The following FAT2 variants were observed in gnomAD, a reference collection of about 807,000 sequenced individuals.
FAT2 encodes FAT atypical cadherin 2, also known as protocadherin Fat 2.
A neutral mutation model predicts 295.3 loss-of-function variants in FAT2; 150 were observed. That is an observed-to-expected ratio of 0.51 (90% CI 0.44 to 0.58). The LOEUF is 0.58. Ranked by LOEUF, FAT2 falls within the 20% of genes least tolerant of loss-of-function variation. The probability of loss-of-function intolerance (pLI) is 0.00; values close to 1 mark genes in which losing one functional copy is unlikely to be tolerated. For synonymous variants in FAT2, 2,026 were observed against 2,150.3 expected, an observed-to-expected ratio of 0.94 and a Z score of 1.60; for missense variants, 4,868 against 5,442.7, an observed-to-expected ratio of 0.89 and a Z score of 3.32.
intron 22 of FAT2, among the ~76,000 whole-genome samples, chr5:151,509,023 T>G (rs368533576): frequency 6.6e-6 from 1 of 152,180 alleles, no homozygotes; most frequent in Non-Finnish European, 1.5e-5. Flanking sequence ...TCAAAGTCTC[T>G]TTCTCTCTAG....
At chr5:151,558,519 G>A (rs1302030908) in intron 3 of FAT2, among the ~76,000 whole-genome samples, 1 of 151,962 alleles carries the variant, frequency 6.6e-6, no homozygotes, top group African/African-American at 2.4e-5. Context: ...CTAGGAGACA[G>A]GAGAATTGCT....
chr5:151,535,195 T>C lies in FAT2; in HGVS notation c.9194-553A>G, dbSNP rs111575921. Among the ~76,000 whole-genome samples, 14 of 152,088 alleles carry C rather than the reference T, an allele frequency of 9.2e-5. 2 individuals are homozygous for C. Among genetic ancestry groups the C allele is most frequent in the African/African-American group, 3.4e-4 (14 of 41,518 alleles). On this transcript the variant is annotated intron_variant, in intron 12 of 23. Transcript: ENST00000261800. Reference sequence around the variant, plus strand: ...ATAAGTGTATCTTGGTTTTCATGCATGGCTCCTGCCCGTAACTCCCACAGC... The same window carrying C: ...ATAAGTGTATCTTGGTTTTCATGCACGGCTCCTGCCCGTAACTCCCACAGC...
upstream of FAT2, among the ~76,000 whole-genome samples, chr5:151,591,955 T>G (rs1759427492): frequency 6.6e-6 from 1 of 152,212 alleles, no homozygotes; most frequent in Non-Finnish European, 1.5e-5. Flanking sequence ...AGCTGTGACT[T>G]CCCCACACCT....
chr5:151,505,741 C>T lies in FAT2; in HGVS notation c.12874G>A (p.Asp4292Asn). 1 of 1,613,824 alleles carries T rather than the reference C, an allele frequency of 6.2e-7. No homozygotes were observed. The highest frequency in any genetic ancestry group is 8.5e-7 in the Non-Finnish European group (1 of 1,179,754). Residue 4292 changes from aspartate to asparagine, a missense_variant, in exon 24 of 24, where the codon GAC becomes AAC. Asp to Asn is a conservative substitution (Grantham distance 23, BLOSUM62 1). Around this residue, in one of 5 missense-constraint regions of FAT2, gnomAD observed 492 missense variants for 482.6 expected, o/e 1.02. Transcript: ENST00000261800. ...ATACCCACCCCCTTGTAGCCCCCGTCTGCCAGGCAGGGCCCTCCCCCTCCC... is the reference window on the plus strand; with the variant it reads ...ATACCCACCCCCTTGTAGCCCCCGTTTGCCAGGCAGGGCCCTCCCCCTCCC... ...RQGGGGPCLADGGYKGVGMRL... is the reference protein window; with the variant it reads ...RQGGGGPCLANGGYKGVGMRL...
rs763864275 is a variant in FAT2, at chr5:151,545,371, T to C, written c.5756A>G (p.His1919Arg). The C allele has an allele frequency of 1.2e-6, 2 of 1,614,168 alleles. No homozygotes were observed. The highest frequency in any genetic ancestry group is 1.1e-5 in the South Asian group (1 of 91,084). ...CACAGATATGCTACCAGTGACAGGA[T>C]GGATGGTAACAGCTTCATCAGCATT... ...TGNADEAVTI[H>R]PVTGSISVLN... The change falls in exon 10 of 24, where the codon CAT (histidine) becomes CGT (arginine). Residue 1919 changes from histidine (H) to arginine (R), a missense_variant. By Grantham distance (29) the His-to-Arg change is conservative (BLOSUM62 0). This residue lies in a region of FAT2 where 3,297 missense variants were observed against 3,669.4 expected (regional missense o/e 0.90). Transcript: ENST00000261800.
In FAT2 at chr5:151,566,959, A is replaced by C; in HGVS notation, c.1973T>G (p.Val658Gly). The change falls in exon 2 of 24, where the codon GTG becomes GGG. Residue 658 changes from valine to glycine, a missense_variant. Coordinates refer to ENST00000261800, the MANE Select transcript of FAT2 (RefSeq NM_001447.3). ...YASPTTLNIT[V>G]VKDPHFEVPV... ...AACTTCAAAATGAGGGTCCTTCACC[A>C]CAGTAATATTCAAAGTTGTGGGTGA... The C allele has an allele frequency of 6.2e-7, 1 of 1,614,148 alleles. No individual in the cohort carries two copies. Among genetic ancestry groups the C allele is most frequent in the Non-Finnish European group, 8.5e-7 (1 of 1,179,996 alleles).
In FAT2 at chr5:151,545,286, C is replaced by T. The variant is rs772598726; in HGVS notation, c.5841G>A (p.Leu1947=). ...RKLTIRASDG[L]YQDTALVKIS... is the part of the protein sequence containing the mutation. ...TTTTTACCAGCGCAGTGTCTTGATA[C>T]AAGCCATCAGAAGCCCTGATGGTGA... Residue 1947 remains leucine (L), a synonymous_variant, in exon 10 of 24, where the codon TTG becomes TTA. Coordinates refer to ENST00000261800, the MANE Select transcript of FAT2 (RefSeq NM_001447.3). 6 of 1,614,006 alleles carry T rather than the reference C, an allele frequency of 3.7e-6. No individual in the cohort carries two copies. Among genetic ancestry groups the T allele is most frequent in the Non-Finnish European group, 5.1e-6 (6 of 1,180,024 alleles).
In FAT2 at chr5:151,543,346, A is replaced by G. The variant is rs1410491668; in HGVS notation, c.7781T>C (p.Ile2594Thr). The G allele has an allele frequency of 6.2e-7, 1 of 1,614,202 alleles. No individual in the cohort carries two copies. Among genetic ancestry groups the G allele is most frequent in the South Asian group, 1.1e-5 (1 of 91,072 alleles). ...AGAGTCTTTACTGACATTGGATTGA[A>G]TGGATACTGTGTACTCAGATGCTTT... ...QFKASEYTVS[I>T]QSNVSKDSPV... Residue 2594 changes from isoleucine to threonine, a missense_variant, in exon 10 of 24, where the codon ATT becomes ACT. This residue lies in a region of FAT2 where 3,297 missense variants were observed against 3,669.4 expected (regional missense o/e 0.90). Coordinates refer to ENST00000261800, the MANE Select transcript of FAT2 (RefSeq NM_001447.3).
At chr5:151,580,176 C>G (rs1425172628) in intron 1 of FAT2, among the ~76,000 whole-genome samples, 1 of 152,236 alleles carries the variant, frequency 6.6e-6, no homozygotes, top group African/African-American at 2.4e-5. Context: ...GCTGTTCCCC[C>G]AACCCCAGCT....
chr5:151,566,294 G>A lies in FAT2; in HGVS notation c.2638C>T (p.His880Tyr), dbSNP rs1189709117. The A allele has an allele frequency of 6.2e-7, 1 of 1,614,132 alleles. No individual in the cohort carries two copies. The highest frequency in any genetic ancestry group is 1.1e-5 in the South Asian group (1 of 91,056). ...PLTGELVVTG[H>Y]LDRESEPRYI... The stretch of plus-strand genomic sequence containing the variant: ...CGAGGCTCTGATTCGCGGTCCAGGT[G>A]TCCTGTAACAACCAGTTCCCCAGTG... Residue 880 changes from histidine (H) to tyrosine (Y), a missense_variant, in exon 2 of 24, where the codon CAC (histidine) becomes TAC (tyrosine). His to Tyr is a moderately conservative substitution (Grantham distance 83, BLOSUM62 2). Transcript: ENST00000261800.
chr5:151,541,686 A>G (rs1216170247), intron 10 of FAT2, among the ~76,000 whole-genome samples: 6 of 152,274 alleles, frequency 3.9e-5, no homozygotes, highest in African/African-American at 1.2e-4. Flanking sequence ...TACAGTAGGT[A>G]TCCACTAATG....
rs372427869 is a variant in FAT2, at chr5:151,568,196, C to T, written c.736G>A (p.Val246Met). ...FGSLAALVVHVEPALRKPPAI... is the reference protein window; with the variant it reads ...FGSLAALVVHMEPALRKPPAI... ...GGGGGCTTCCTGAGGGCAGGCTCCA[C>T]ATGAACCACAAGTGCAGCCAGGCTG... is the stretch of plus-strand genomic sequence containing the variant. Residue 246 changes from valine to methionine, a missense_variant, in exon 2 of 24, where the codon GTG becomes ATG. Val to Met is a conservative substitution (Grantham distance 21). Coordinates refer to ENST00000261800, the MANE Select transcript of FAT2 (RefSeq NM_001447.3). The T allele has an allele frequency of 4.6e-5, 75 of 1,613,838 alleles. 1 individual carries two copies. Among genetic ancestry groups the T allele is most frequent in the Non-Finnish European group, 5.8e-5 (68 of 1,179,932 alleles).
At position 151,521,258 on chromosome 5, in the gene FAT2, G is replaced by C. The variant is rs1561822320; in HGVS notation, c.11317+18C>G. On this transcript the variant is annotated intron_variant, in intron 19 of 23. Coordinates refer to ENST00000261800, the MANE Select transcript of FAT2 (RefSeq NM_001447.3). ...GCCCAGCAGTGCTGCTCGTCCCTAG[G>C]GAAGATGTAGTACTTACCATTGCAG... The C allele has an allele frequency of 6.3e-7, 1 of 1,581,464 alleles. No individual in the cohort carries two copies. Among genetic ancestry groups the C allele is most frequent in the Non-Finnish European group, 8.6e-7 (1 of 1,159,608 alleles).
rs1053708325 is a variant in FAT2, at chr5:151,517,506, CTG to C, written c.11463+112_11463+113del. ...CAGTCACACCCAGAATCCCTGAAAA[CTG>C]TGCAGGGATTTCTTTGGCAGAAATG... On this transcript the variant is annotated intron_variant, in intron 20 of 23. Transcript: ENST00000261800. The C allele has an allele frequency of 1.8e-5, 24 of 1,312,886 alleles. No individual in the cohort carries two copies. In the African/African-American group the frequency reaches 2.6e-4, roughly 14 times the overall value. The allele number at this position is 1,312,886 out of a possible 1,614,324, so 81.3% of individuals were successfully genotyped here.
Position 151,507,268 on chromosome 5 carries a change from A to T in FAT2, c.12403T>A (p.Ser4135Thr). 1 of 1,614,100 alleles carries T rather than the reference A, an allele frequency of 6.2e-7. No homozygotes were observed. The highest frequency in any genetic ancestry group is 8.5e-7 in the Non-Finnish European group (1 of 1,180,010). ...PNELVTFGPN[S>T]KQRPVVCSVP... ...CTGCAGACCACTGGCCGTTGCTTAG[A>T]ATTGGGTCCAAATGTGACGAGTTCA... Residue 4135 changes from serine to threonine, a missense_variant, in exon 23 of 24, where the codon TCT (serine) becomes ACT (threonine). This residue lies in a region of FAT2 where 492 missense variants were observed against 482.6 expected (regional missense o/e 1.02). Coordinates refer to ENST00000261800, the MANE Select transcript of FAT2 (RefSeq NM_001447.3).
chr5:151,579,692 A>G (rs563046134), intron 1 of FAT2, among the ~76,000 whole-genome samples: 1 of 152,270 alleles, frequency 6.6e-6, no homozygotes, highest in East Asian at 1.9e-4. Flanking sequence ...CACCATAAAT[A>G]TATACAAATT....
chr5:151,589,476 C>T (rs967992326), intron 1 of FAT2, among the ~76,000 whole-genome samples: 4 of 152,174 alleles, frequency 2.6e-5, no homozygotes, highest in Admixed American at 6.5e-5. Flanking sequence ...TGTACTCTAT[C>T]GAGAGCCCTG....
At position 151,567,429 on chromosome 5, in the gene FAT2, T is replaced by C. The variant is rs1411044988; in HGVS notation, c.1503A>G (p.Lys501=). 1 of 1,613,954 alleles carries C rather than the reference T, an allele frequency of 6.2e-7. No individual in the cohort carries two copies. Among genetic ancestry groups the C allele is most frequent in the African/African-American group, 1.3e-5 (1 of 74,924 alleles). The change falls in exon 2 of 24, where the codon AAA becomes AAG. Residue 501 remains lysine (K), a synonymous_variant. Transcript: ENST00000261800. ...AGGGGTCAATAGAAAATGGCAAAGC[T>C]TTTGGTCCAGCAATGGAATAGGTGA... is the stretch of plus-strand genomic sequence containing the variant. ...GYVTYSIAGP[K]ALPFSIDPYL...
rs766249133 is a variant in FAT2, at chr5:151,566,499, T to A, written c.2433A>T (p.Lys811Asn). ...SSWKLLTVNV[K>N]DWNDNAPRFP... Reference sequence around the variant, plus strand: ...ATCTGGGTGCGTTGTCATTCCAGTCTTTCACATTCACTGTCAGCAGCTTCC... The same window carrying A: ...ATCTGGGTGCGTTGTCATTCCAGTCATTCACATTCACTGTCAGCAGCTTCC... Residue 811 changes from lysine to asparagine, a missense_variant, in exon 2 of 24, where the codon AAA becomes AAT. Lys to Asn is a moderately conservative substitution (Grantham distance 94, BLOSUM62 0). This residue lies in a region of FAT2 where 3,297 missense variants were observed against 3,669.4 expected (regional missense o/e 0.90). Transcript: ENST00000261800. 1.2e-6 allele frequency: 2 copies of A among 1,614,036 alleles called. No individual in the cohort carries two copies. Among genetic ancestry groups the A allele is most frequent in the South Asian group, 2.2e-5 (2 of 91,056 alleles).
Sources: allele counts gnomAD v4.1 joint callset (sites outside exome capture counted in the v4.1 genomes callset), GRCh38; gene constraint gnomAD v4.1.1; regional missense constraint gnomAD v4.1.1; transcripts MANE v1.5; gene names NCBI Gene and HGNC (gene_info 2026-07-23, HGNC 2026-07-21).